The following STAT2 variants were observed in gnomAD, a reference collection of about 807,000 sequenced individuals.
STAT2 encodes interferon alpha induced transcriptional activator.
A neutral mutation model predicts 122.3 loss-of-function variants in STAT2; 51 were observed. The observed-to-expected ratio is 0.42, with a 90% CI of 0.33 to 0.53. The LOEUF is 0.53. Among genes scored for constraint, STAT2 ranks in the 20% least tolerant of loss-of-function variants. The pLI is 0.10. For synonymous variants in STAT2, 351 were observed against 394.9 expected (o/e 0.89, Z 1.32); for missense variants, 736 against 1,010.3 (o/e 0.73, Z 3.68).
chr12:56,356,405 A>G (rs1879519493), intron 2 of STAT2, 36 bp downstream of exon 2: 1 of 1,610,942 alleles, frequency 6.2e-7, no homozygotes, highest in South Asian at 1.1e-5. Context: ...GTAAGGAACC[A>G]CCTTTTTCAT....
intron 20 of STAT2, 25 bp from the exon 21 acceptor site, chr12:56,346,649 CG>C (rs1444913508): frequency 1.9e-6 from 3 of 1,612,508 alleles, no homozygotes; most frequent in Non-Finnish European, 2.5e-6. Flanking sequence ...CAGGAACAGG[CG>C]GGCTTGAGGG....
intron 22 of STAT2, 98 bp downstream of exon 22, chr12:56,346,048 G>A: frequency 1.2e-6 from 2 of 1,604,040 alleles, no homozygotes; most frequent in Non-Finnish European, 8.5e-7. Flanking sequence ...CCATCATCCT[G>A]GTGCTCCACC....
At chr12:56,356,099 T>C (rs1879470641) in intron 3 of STAT2, 33 bp downstream of exon 3, 3 of 1,608,054 alleles carry the variant, frequency 1.9e-6, no homozygotes, top group South Asian at 1.1e-5. Flanking sequence ...CAGCTCCCAG[T>C]GCTACCCCAT....
Position 56,348,772 on chromosome 12 carries a change from A to G in STAT2, c.1609T>C (p.Ser537Pro). 10 of 1,614,184 alleles carry G rather than the reference A, an allele frequency of 6.2e-6. No individual in the cohort carries two copies. The highest frequency in any genetic ancestry group is 8.5e-6 in the Non-Finnish European group (10 of 1,180,036). The change falls in exon 18 of 24, where the codon TCC becomes CCC. Residue 537 changes from serine to proline, a missense_variant. Transcript: ENST00000314128. ...QNCRTEDPLLSWADFTKRESP... is the reference protein window; with the variant it reads ...QNCRTEDPLLPWADFTKRESP... The stretch of plus-strand genomic sequence containing the variant: ...GTTACCTTAGTGAAGTCAGCCCAGG[A>G]CAATAATGGATCCTCAGTCCTACAG...
chr12:56,356,417 C>T (rs1879520980), intron 2 of STAT2, 24 bp downstream of exon 2: 1 of 1,609,740 alleles, frequency 6.2e-7, no homozygotes, highest in South Asian at 1.1e-5. Flanking sequence ...CTTTTTCATT[C>T]CCCCAACTTC....
At chr12:56,349,537 G>A in intron 14 of STAT2, 28 bp from the exon 15 acceptor site, 7 of 1,614,174 alleles carry the variant, frequency 4.3e-6, no homozygotes, top group Non-Finnish European at 5.9e-6. Flanking sequence ...ATAGTCATCA[G>A]AAGGCTCTTT....
Position 56,355,318 on chromosome 12 carries a change from G to A in STAT2, c.505C>T (p.Gln169Ter), listed in dbSNP as rs752623685. 5 of 1,614,038 alleles carry A rather than the reference G, an allele frequency of 3.1e-6. No individual in the cohort carries two copies. The highest frequency in any genetic ancestry group is 4.2e-6 in the Non-Finnish European group (5 of 1,180,036). Residue 169 changes from glutamine (Q) to a stop codon, truncating the protein, a stop_gained, in exon 6 of 24, where the codon CAG becomes TAG. Coordinates refer to ENST00000314128, the MANE Select transcript of STAT2 (RefSeq NM_005419.4). LOFTEE classifies it high-confidence loss of function. ...LVKSISQLKD[Q>*]QDVFCFRYKI... ...TATCGGAAGCAGAAGACATCCTGCT[G>A]GTCTTTCAGTTGGCTGATGGATTTT...
intron 8 of STAT2, chr12:56,352,349 C>CTTTTTTTTTTT (rs76024169): frequency 4.7e-5 from 1 of 21,082 alleles, no homozygotes; most frequent in Non-Finnish European, 9.1e-5. Context: ...TTGTAACTAT[C>CTTTTTTTTTTT]TTTTTTTTTT....
At position 56,355,430 on chromosome 12, in the gene STAT2, C is replaced by A; in HGVS notation, c.471+13G>T. ...GAACGCTGTCAACCCTAACTCCTAC[C>A]ACATCTACTAACCTCCATCATAGCC... On this transcript the variant is annotated intron_variant, in intron 5 of 23. Transcript: ENST00000314128. The A allele has an allele frequency of 6.2e-7, 1 of 1,614,176 alleles. No homozygotes were observed. Among genetic ancestry groups the A allele is most frequent in the Non-Finnish European group, 8.5e-7 (1 of 1,180,022 alleles).
rs768151761 is a variant in STAT2, at chr12:56,356,200, G to A, written c.217C>T (p.Arg73Cys). 4 of 1,614,018 alleles carry A rather than the reference G, an allele frequency of 2.5e-6. No individual in the cohort carries two copies. The highest frequency in any genetic ancestry group is 2.2e-5 in the South Asian group (2 of 91,080). Residue 73 changes from arginine to cysteine, a missense_variant, in exon 3 of 24, where the codon CGT becomes TGT. Arg to Cys is a radical substitution (Grantham distance 180). Transcript: ENST00000314128. ...FLDQLNYECG[R>C]CSQDPESLLL... The stretch of plus-strand genomic sequence containing the variant: ...AAGGACTCTGGGTCCTGGCTGCAAC[G>A]GCCACACTCATAGTTCAGCTGATCC...
At chr12:56,349,863 A>G in intron 13 of STAT2, 1 of 652,884 alleles carries the variant, frequency 1.5e-6, no homozygotes, top group Non-Finnish European at 2.6e-6. Flanking sequence ...AGCCCGACCA[A>G]TATGGTGAAA....
chr12:56,356,081 T>C (rs1427262302), intron 3 of STAT2, 51 bp downstream of exon 3: 4 of 1,595,594 alleles, frequency 2.5e-6, no homozygotes, highest in Non-Finnish European at 3.4e-6. Context: ...ACCTTACTCC[T>C]CTATGCTCAG....
chr12:56,354,129 A>G (rs1440363945), intron 8 of STAT2, among the ~76,000 whole-genome samples: 1 of 143,810 alleles, frequency 7.0e-6, no homozygotes, highest in Non-Finnish European at 1.5e-5. Context: ...AAGCTAGGTA[A>G]TAGGTAATTT....
intron 19 of STAT2, 87 bp from the exon 20 acceptor site, chr12:56,347,042 C>A: frequency 1.9e-6 from 3 of 1,553,530 alleles, no homozygotes; most frequent in South Asian, 1.2e-5. Flanking sequence ...TATGGAGAAA[C>A]AGCCCAGGTT....
rs2136053382 is a variant in STAT2, at chr12:56,349,031, T to G, written c.1469A>C (p.Lys490Thr). Residue 490 changes from lysine to threonine, a missense_variant, in exon 17 of 24, where the codon AAG (lysine) becomes ACG (threonine). Lys to Thr is a moderately conservative substitution (Grantham distance 78). Transcript: ENST00000314128. ...AGGGCCCAGCAAGCTCCAGGGGGCC[T>G]TGGGGGGGTTGGAGAAGAACTGCTG... is the stretch of plus-strand genomic sequence containing the variant. ...QNQQFFSNPP[K>T]APWSLLGPAL... The G allele has an allele frequency of 6.2e-7, 1 of 1,613,478 alleles. No homozygotes were observed. Among genetic ancestry groups the G allele is most frequent in the East Asian group, 2.2e-5 (1 of 44,862 alleles).
chr12:56,347,283 G>C (rs1321461171), intron 19 of STAT2, among the ~76,000 whole-genome samples: 1 of 151,776 alleles, frequency 6.6e-6, no homozygotes, highest in Non-Finnish European at 1.5e-5. Flanking sequence ...CGACCTCCCG[G>C]GCTCAAGCAA....
chr12:56,348,642 G>C lies in STAT2; in HGVS notation c.1630-19C>G. On this transcript the variant is annotated intron_variant, in intron 18 of 23. Transcript: ENST00000314128. ...TCTCTCGCTGGAGGAGGAATGGAAA[G>C]GTAGCAAAAGCTGAGGAGTTGCCTC... The C allele has an allele frequency of 6.2e-7, 1 of 1,614,182 alleles. No individual in the cohort carries two copies.
intron 3 of STAT2, 36 bp from the exon 4 acceptor site, chr12:56,355,839 AACCACTCTCAATGACCTATTGCCCTAG>A: frequency 6.3e-7 from 1 of 1,590,864 alleles, no homozygotes; most frequent in Non-Finnish European, 8.6e-7. Context: ...GATCCAATTC[AACCACTCTCAATGACCTATTGCCCTAG>A]ACCCTCCCCA....
At chr12:56,348,367 G>A (rs1592471352) in intron 19 of STAT2, among the ~76,000 whole-genome samples, 162 bp downstream of exon 19, 1 of 152,200 alleles carries the variant, frequency 6.6e-6, no homozygotes, top group African/African-American at 2.4e-5. Flanking sequence ...GATTACAGGT[G>A]TGAGCCACCA....
Sources: allele counts gnomAD v4.1 joint callset (sites outside exome capture counted in the v4.1 genomes callset), GRCh38; gene constraint gnomAD v4.1.1; transcripts MANE v1.5; gene names NCBI Gene and HGNC (gene_info 2026-07-23, HGNC 2026-07-21).